FRAS1: variants seen among roughly 807,000 people sequenced by gnomAD.
FRAS1 encodes the protein extracellular matrix organizing protein FRAS1.
A neutral mutation model predicts 435.2 loss-of-function variants in FRAS1; 290 were observed. The ratio of observed to expected loss-of-function variants is 0.67; its 90% confidence interval spans 0.61 to 0.73. The LOEUF is 0.73. Ranked by LOEUF, FRAS1 falls within the 30% of genes least tolerant of loss-of-function variation. The pLI is 0.00. For synonymous variants in FRAS1, 1,800 were observed against 1,851.0 expected (o/e 0.97, Z 0.71); for missense variants, 4,860 against 5,001.5 (o/e 0.97, Z 0.85).
At chr4:78,415,652 G>T (rs1334889734) in intron 32 of FRAS1, among the ~76,000 whole-genome samples, 2 of 152,184 alleles carry the variant, frequency 1.3e-5, no homozygotes, top group Non-Finnish European at 2.9e-5. Context: ...TGTTCAGTTG[G>T]CTGGAGCATA....
chr4:78,514,415 A>T (rs1721142702), intron 65 of FRAS1, among the ~76,000 whole-genome samples: 2 of 152,258 alleles, frequency 1.3e-5, no homozygotes, highest in South Asian at 2.1e-4. Context: ...ACAAATGATG[A>T]AACACTTAAC....
intron 2 of FRAS1, among the ~76,000 whole-genome samples, chr4:78,128,891 T>G (rs1719527361): frequency 6.6e-6 from 1 of 152,228 alleles, no homozygotes; most frequent in African/African-American, 2.4e-5. Flanking sequence ...GTTTTAGGTC[T>G]ACCATTTAAG....
At chr4:78,306,849 CCTT>C (rs977444004) in intron 14 of FRAS1, among the ~76,000 whole-genome samples, 3 of 152,110 alleles carry the variant, frequency 2.0e-5, no homozygotes, top group African/African-American at 7.2e-5. Context: ...TTGTCTGAAG[CCTT>C]CTTCTTTCAG....
intron 2 of FRAS1, among the ~76,000 whole-genome samples, chr4:78,083,841 G>A (rs1741019178): frequency 6.6e-6 from 1 of 151,730 alleles, no homozygotes; most frequent in Non-Finnish European, 1.5e-5. Context: ...ATTAGAGACC[G>A]GCAAAATGTT....
In FRAS1 at chr4:78,282,790, G is replaced by T; in HGVS notation, c.1108-30G>T. 3 of 1,610,904 alleles carry T rather than the reference G, an allele frequency of 1.9e-6. No individual in the cohort carries two copies. The South Asian group carries it at 3.3e-5, about 18-fold the overall frequency. On this transcript the variant is annotated intron_variant, in intron 11 of 73. Coordinates refer to ENST00000512123, the MANE Select transcript of FRAS1 (RefSeq NM_025074.7). ...CTCTTCTGAATTACTGCATCCTGATGACAATGCTGTTCTTCACTTTTTTGC... is the reference window on the plus strand; with the variant it reads ...CTCTTCTGAATTACTGCATCCTGATTACAATGCTGTTCTTCACTTTTTTGC...
At chr4:78,147,863 G>A (rs1720482085) in intron 2 of FRAS1, among the ~76,000 whole-genome samples, 1 of 152,174 alleles carries the variant, frequency 6.6e-6, no homozygotes, top group Non-Finnish European at 1.5e-5. Flanking sequence ...GCATTAGTTG[G>A]AACATTTGTG....
At position 78,277,110 on chromosome 4, in the gene FRAS1, G is replaced by A. The variant is rs1282348124; in HGVS notation, c.982-1545G>A. ...AGGCTCCGTGAGCATGGGACCCTCC[G>A]AGCCAGGCGTGGGATATAATCTCCT... On this transcript the variant is annotated intron_variant, in intron 9 of 73. Transcript: ENST00000512123. Among the ~76,000 whole-genome samples the A allele has an allele frequency of 8.5e-5, 13 of 152,304 alleles. No individual in the cohort carries two copies. In the East Asian group the frequency reaches 1.2e-3, roughly 14 times the overall value.
At chr4:78,374,361 G>T in intron 25 of FRAS1, 110 bp downstream of exon 25, 2 of 1,119,970 alleles carry the variant, frequency 1.8e-6, no homozygotes, top group East Asian at 2.4e-5. Context: ...CAGAATGAAA[G>T]CCCAGAGGGC....
intron 15 of FRAS1, among the ~76,000 whole-genome samples, chr4:78,312,879 G>GAGACAGAGAGAA: frequency 7.7e-6 from 1 of 129,166 alleles, no homozygotes; most frequent in Non-Finnish European, 1.7e-5. Flanking sequence ...GAGAGAGAGA[G>GAGACAGAGAGAA]AGAAAGAAAG....
chr4:78,488,960 C>A lies in FRAS1; in HGVS notation c.8838C>A (p.Asp2946Glu), dbSNP rs760539312. The change falls in exon 59 of 74, where the codon GAC (aspartate) becomes GAA (glutamate). Residue 2946 changes from aspartate to glutamate, a missense_variant. Coordinates refer to ENST00000512123, the MANE Select transcript of FRAS1 (RefSeq NM_025074.7). ...VLHVPITRSG[D>E]LSYESSVRCY... ...ATGTCCCTATCACTCGGAGCGGAGA[C>A]CTGAGCTATGAGTCATCAGTGAGGT... is the stretch of plus-strand genomic sequence containing the variant. 1.2e-6 allele frequency: 2 copies of A among 1,613,614 alleles called. No individual in the cohort carries two copies. Among genetic ancestry groups the A allele is most frequent in the South Asian group, 2.2e-5 (2 of 91,062 alleles).
chr4:78,277,319 G>C (rs112973124), intron 9 of FRAS1, among the ~76,000 whole-genome samples: 1 of 152,100 alleles, frequency 6.6e-6, no homozygotes, highest in Admixed American at 6.6e-5. Context: ...TGCATCCACT[G>C]TCCTGCACCC....
chr4:78,372,046 C>T (rs952320039), intron 23 of FRAS1, among the ~76,000 whole-genome samples: 3 of 152,142 alleles, frequency 2.0e-5, no homozygotes, highest in Admixed American at 6.6e-5. Context: ...TTTATATTGC[C>T]CCCTCCTGCT....
intron 53 of FRAS1, among the ~76,000 whole-genome samples, chr4:78,474,474 A>G (rs925416237): frequency 1.3e-5 from 2 of 152,222 alleles, no homozygotes; most frequent in Non-Finnish European, 2.9e-5. Flanking sequence ...AATTCAGGCT[A>G]TTCTACTCTT....
intron 14 of FRAS1, among the ~76,000 whole-genome samples, chr4:78,301,017 T>C (rs1397754263): frequency 6.6e-6 from 1 of 152,230 alleles, no homozygotes; most frequent in Non-Finnish European, 1.5e-5. Context: ...AAAAAGTGTC[T>C]GAAATTAGGA....
rs376456856 is a variant in FRAS1, at chr4:78,452,215, G to A, written c.6624G>A (p.Leu2208=). ...SPPVITTNKG[L]VLDENSVKKI... ...CAGTCATCACCACCAATAAAGGACT[G>A]GTCTTGGATGAAAACTCAGTGAAGA... The change falls in exon 47 of 74, where the codon CTG becomes CTA. Residue 2208 remains leucine, a synonymous_variant. Coordinates refer to ENST00000512123, the MANE Select transcript of FRAS1 (RefSeq NM_025074.7). 20 of 1,613,840 alleles carry A rather than the reference G, an allele frequency of 1.2e-5. No homozygotes were observed. Among genetic ancestry groups the A allele is most frequent in the Non-Finnish European group, 1.4e-5 (17 of 1,179,760 alleles).
At chr4:78,540,109 A>T (rs1415729951) in intron 73 of FRAS1, among the ~76,000 whole-genome samples, 1 of 152,228 alleles carries the variant, frequency 6.6e-6, no homozygotes, top group African/African-American at 2.4e-5. Context: ...ATTTTGTTGA[A>T]TGACTCCATT....
rs1301260135 is a variant in FRAS1 at position 78,207,162 on chromosome 4, T to TA, written c.109-30347dup. Among the ~76,000 whole-genome samples, 15 of 152,364 alleles carry TA rather than the reference T, an allele frequency of 9.8e-5. No homozygotes were observed. The South Asian group carries it at 2.7e-3, about 27-fold the overall frequency. Reference sequence around the variant, plus strand: ...TGAAGCCACCCATTAAGCCTTGTAATACAATCCTTGCAAAGTCTGGAAATG... The same window carrying TA: ...TGAAGCCACCCATTAAGCCTTGTAATAACAATCCTTGCAAAGTCTGGAAATG... On this transcript the variant is annotated intron_variant, in intron 2 of 73. Coordinates refer to ENST00000512123, the MANE Select transcript of FRAS1 (RefSeq NM_025074.7).
At chr4:78,380,701 A>T (rs2110320642) in intron 27 of FRAS1, among the ~76,000 whole-genome samples, 1 of 152,378 alleles carries the variant, frequency 6.6e-6, no homozygotes, top group South Asian at 2.1e-4. Context: ...ATTAGTGCAG[A>T]TAATTCAGCA....
At position 78,466,381 on chromosome 4, in the gene FRAS1, C is replaced by T; in HGVS notation, c.7203C>T (p.Phe2401=). 6.2e-7 allele frequency: 1 copy of T among 1,613,982 alleles called. No individual in the cohort carries two copies. The highest frequency in any genetic ancestry group is 8.5e-7 in the Non-Finnish European group (1 of 1,179,874). Residue 2401 remains phenylalanine, a synonymous_variant, in exon 50 of 74, where the codon TTC becomes TTT. Transcript: ENST00000512123. The part of the protein sequence containing the change: ...GSNSLKDRFT[F]TVSDGTNPFF... ...ACTCCCTCAAGGACCGGTTCACCTT[C>T]ACTGTTTCTGATGGGACAAACCCCT...
Sources: gnomAD v4.1 joint callset for allele counts (sites outside exome capture counted in the v4.1 genomes callset) on GRCh38, gnomAD v4.1.1 for gene constraint, MANE v1.5 for transcripts, NCBI Gene and HGNC (gene_info 2026-07-23, HGNC 2026-07-21) for gene names.